Variants in MAP3K7 observed in about 807,000 individuals in gnomAD.
MAP3K7 encodes TGF-beta activated kinase 1.
In MAP3K7, 21 loss-of-function variants were observed where a neutral mutation model predicts 84.8. The observed-to-expected ratio is 0.25, with a 90% confidence interval of 0.18 to 0.36. The LOEUF is 0.36. Among genes scored for constraint, MAP3K7 ranks in the 10% least tolerant of loss-of-function variants. MAP3K7 has a pLI of 1.00. For missense variants in MAP3K7, 503 were observed against 747.7 expected (o/e 0.67, Z 3.82); for synonymous variants, 241 against 247.7 (o/e 0.97, Z 0.25).
intron 12 of MAP3K7, among the ~76,000 whole-genome samples, chr6:90,540,534 T>C (rs1310794509): frequency 6.6e-6 from 1 of 152,006 alleles, no homozygotes; most frequent in Non-Finnish European, 1.5e-5. Context: ...GTATGAACCA[T>C]GTACAACAAA....
chr6:90,566,761 C>T (rs1387157270), intron 3 of MAP3K7, among the ~76,000 whole-genome samples: 1 of 152,268 alleles, frequency 6.6e-6, no homozygotes, highest in South Asian at 2.1e-4. Flanking sequence ...CCAAGACAAT[C>T]CTAAGCCAAA....
intron 1 of MAP3K7, 61 bp from the exon 2 acceptor site, chr6:90,571,868 G>T: frequency 2.4e-6 from 2 of 840,122 alleles, no homozygotes; most frequent in Non-Finnish European, 3.6e-6. Context: ...GAATCAAATA[G>T]ATCAGCCCAA....
chr6:90,549,515 G>A (rs1336351396), intron 9 of MAP3K7, among the ~76,000 whole-genome samples: 1 of 152,184 alleles, frequency 6.6e-6, no homozygotes, highest in African/African-American at 2.4e-5. Flanking sequence ...AAGCTTGAGA[G>A]AGAGGCTAGA....
At chr6:90,543,220 T>C (rs1390598013) in intron 12 of MAP3K7, among the ~76,000 whole-genome samples, 1 of 152,040 alleles carries the variant, frequency 6.6e-6, no homozygotes, top group Non-Finnish European at 1.5e-5. Context: ...CCAGATTCAA[T>C]AAATAAAAAT....
At chr6:90,586,022 C>T (rs1344898382) in intron 1 of MAP3K7, among the ~76,000 whole-genome samples, 1 of 152,162 alleles carries the variant, frequency 6.6e-6, no homozygotes, top group Admixed American at 6.5e-5. Flanking sequence ...TTGAGCATCC[C>T]CTACATGCCA....
intron 4 of MAP3K7, among the ~76,000 whole-genome samples, chr6:90,561,180 G>GTTTT (rs1416145449): frequency 6.6e-6 from 1 of 151,396 alleles, no homozygotes. Context: ...ACTACACAAA[G>GTTTT]TTTTTTTTCA....
At chr6:90,561,575 C>T (rs1344284229) in intron 4 of MAP3K7, 47 bp downstream of exon 4, 2 of 1,418,586 alleles carry the variant, frequency 1.4e-6, no homozygotes, top group South Asian at 2.5e-5. Context: ...TAAAATTTTT[C>T]AAATTATTTT....
At chr6:90,520,875 G>C (rs987051935) in intron 14 of MAP3K7, among the ~76,000 whole-genome samples, 42 of 152,036 alleles carry the variant, frequency 2.8e-4, no homozygotes, top group African/African-American at 9.6e-4. Context: ...ATTTCCTCCT[G>C]ATTTACTAGA....
chr6:90,547,532 G>T lies in MAP3K7; in HGVS notation c.1081-145C>A, dbSNP rs1776042937. 4 of 833,484 alleles carry T rather than the reference G, an allele frequency of 4.8e-6. No homozygotes were observed. The South Asian group carries it at 6.8e-5, about 14-fold the overall frequency. 51.6% of individuals were successfully genotyped at this position (833,484 alleles called of 1,614,324 possible). The stretch of plus-strand genomic sequence containing the variant: ...GAGAGGGAAGTTTGTACGAGAGGGA[G>T]CTACAGGGGTAAGGGAAAGCAAGCT... On this transcript the variant is annotated intron_variant, in intron 10 of 16. Coordinates refer to ENST00000369329, the MANE Select transcript of MAP3K7 (RefSeq NM_145331.3).
intron 3 of MAP3K7, among the ~76,000 whole-genome samples, chr6:90,564,036 C>A (rs1029676915): frequency 6.6e-6 from 1 of 152,090 alleles, no homozygotes; most frequent in Non-Finnish European, 1.5e-5. Context: ...TTTGTCACTA[C>A]CAGGCCTGCT....
At chr6:90,562,618 G>C (rs1052128614) in intron 3 of MAP3K7, among the ~76,000 whole-genome samples, 4 of 152,192 alleles carry the variant, frequency 2.6e-5, no homozygotes, top group Non-Finnish European at 1.5e-5. Context: ...AAGGAGGCCT[G>C]CCCGCCTCTG....
rs994493522 is a variant in MAP3K7, at chr6:90,537,420, C to G, written c.1292-1019G>C. Among the ~76,000 whole-genome samples, 4 of 152,052 alleles carry G rather than the reference C, an allele frequency of 2.6e-5. No individual in the cohort carries two copies. The East Asian group carries it at 7.7e-4, about 29-fold the overall frequency. On this transcript the variant is annotated intron_variant, in intron 12 of 16. Coordinates refer to ENST00000369329, the MANE Select transcript of MAP3K7 (RefSeq NM_145331.3). ...CTTTCGTAGAGACATCCTTTTAAAA[C>G]CAATCAGCAATATAATTTAGCACCT...
At chr6:90,550,326 A>G (rs1009635908) in intron 9 of MAP3K7, 142 bp downstream of exon 9, 1 of 551,084 alleles carries the variant, frequency 1.8e-6, no homozygotes, top group Admixed American at 3.5e-5. Flanking sequence ...ACGCACCTGT[A>G]AACTCAAATT....
intron 14 of MAP3K7, among the ~76,000 whole-genome samples, chr6:90,522,777 A>G (rs1775193643): frequency 6.6e-6 from 1 of 152,192 alleles, no homozygotes; most frequent in African/African-American, 2.4e-5. Flanking sequence ...AGATAACTAT[A>G]AATACTTGAG....
rs543532119 is a variant in MAP3K7, at chr6:90,514,002, G to C, written c.*2499C>G. 6.6e-6 allele frequency: 1 copy of C among 151,938 alleles called. No homozygotes were observed. Among genetic ancestry groups the C allele is most frequent in the African/African-American group, 2.4e-5 (1 of 41,382 alleles). The allele number at this position is 151,938 out of a possible 1,614,324, so 9.4% of individuals were successfully genotyped here. Reference sequence around the variant, plus strand: ...CAAAAAAGTGATTTTTATTGCTCACGAATACTTCCCTCTAGATTAGATAAA... The same window carrying C: ...CAAAAAAGTGATTTTTATTGCTCACCAATACTTCCCTCTAGATTAGATAAA... On this transcript the variant is annotated 3_prime_UTR_variant, in exon 17 of 17. Transcript: ENST00000369329.
intron 1 of MAP3K7, among the ~76,000 whole-genome samples, chr6:90,585,113 T>C (rs910642829): frequency 6.6e-6 from 1 of 152,160 alleles, no homozygotes; most frequent in Non-Finnish European, 1.5e-5. Context: ...GTTATGCAGA[T>C]AAAATGAAAC....
chr6:90,541,433 T>C (rs1376500339), intron 12 of MAP3K7, among the ~76,000 whole-genome samples: 1 of 151,916 alleles, frequency 6.6e-6, no homozygotes, highest in Non-Finnish European at 1.5e-5. Context: ...GTCAGCAAAA[T>C]GTCACACACT....
intron 1 of MAP3K7, among the ~76,000 whole-genome samples, chr6:90,585,493 G>C (rs1342771649): frequency 6.6e-6 from 1 of 152,080 alleles, no homozygotes; most frequent in Non-Finnish European, 1.5e-5. Context: ...GTTTTTCATG[G>C]ACTATATAAC....
chr6:90,548,211 T>G, intron 9 of MAP3K7, 34 bp from the exon 10 acceptor site: 1 of 1,581,730 alleles, frequency 6.3e-7, no homozygotes, highest in Non-Finnish European at 8.6e-7. Flanking sequence ...GACTAATGGC[T>G]GGAAATAATA....
Sources: allele counts gnomAD v4.1 joint callset (sites outside exome capture counted in the v4.1 genomes callset), GRCh38; gene constraint gnomAD v4.1.1; transcripts MANE v1.5; gene names NCBI Gene and HGNC (gene_info 2026-07-23, HGNC 2026-07-21).